GABRA5: variants seen among roughly 807,000 people sequenced by gnomAD.
The protein encoded by GABRA5 is gamma-aminobutyric acid receptor subunit alpha-5.
A neutral mutation model predicts 47.3 loss-of-function variants in GABRA5; 18 were observed. The observed-to-expected ratio is 0.38, with a 90% CI of 0.26 to 0.56. The LOEUF is 0.56. Among genes scored for constraint, GABRA5 ranks in the 20% least tolerant of loss-of-function variants. GABRA5 has a pLI of 0.71. For synonymous variants in GABRA5, 237 were observed against 229.3 expected (o/e 1.03, Z -0.30); for missense variants, 365 against 599.3 (o/e 0.61, Z 4.08).
chr15:26,879,907 G>A (rs557626079), intron 3 of GABRA5, among the ~76,000 whole-genome samples: 4 of 152,166 alleles, frequency 2.6e-5, no homozygotes, highest in Non-Finnish European at 5.9e-5. Context: ...TTTCAGTTTG[G>A]TAAGTCCCCT....
intron 7 of GABRA5, among the ~76,000 whole-genome samples, chr15:26,932,994 C>G (rs1418862253): frequency 6.6e-6 from 1 of 151,756 alleles, no homozygotes; most frequent in African/African-American, 2.4e-5. Flanking sequence ...CTAATGAATG[C>G]TGGGCTTAAT....
intron 3 of GABRA5, among the ~76,000 whole-genome samples, chr15:26,879,411 A>G (rs1358890656): frequency 6.6e-6 from 1 of 152,226 alleles, no homozygotes. Context: ...GAAGTGTGCA[A>G]CTACCATGGA....
At chr15:26,914,186 C>A (rs955372172) in intron 6 of GABRA5, among the ~76,000 whole-genome samples, 17 of 151,972 alleles carry the variant, frequency 1.1e-4, no homozygotes, top group Admixed American at 1.0e-3. Context: ...TTAGGGTGTA[C>A]CAGAAGATTG....
chr15:26,870,676 T>C (rs1356417373), intron 3 of GABRA5, among the ~76,000 whole-genome samples: 1 of 152,192 alleles, frequency 6.6e-6, no homozygotes, highest in African/African-American at 2.4e-5. Flanking sequence ...ATTAAATGAA[T>C]GTTTTCCTTT....
chr15:26,931,764 A>G (rs796205466), intron 7 of GABRA5, among the ~76,000 whole-genome samples: 5 of 152,354 alleles, frequency 3.3e-5, no homozygotes, highest in African/African-American at 1.2e-4. Context: ...AAAGAGGTAT[A>G]ACGGAAAACA....
At chr15:26,899,280 G>A (rs1893270925) in intron 6 of GABRA5, among the ~76,000 whole-genome samples, 1 of 152,116 alleles carries the variant, frequency 6.6e-6, no homozygotes, top group Non-Finnish European at 1.5e-5. Flanking sequence ...CTGATTTCTA[G>A]TTTCATTACA....
intron 6 of GABRA5, among the ~76,000 whole-genome samples, chr15:26,888,114 C>G (rs759773155): frequency 6.6e-6 from 1 of 152,288 alleles, no homozygotes; most frequent in Non-Finnish European, 1.5e-5. Context: ...ATGCTGTTTG[C>G]TCCCCAAATG....
rs540621333 is a variant in GABRA5, at chr15:26,941,437, C to T, written c.877+1360C>T. 2.3e-3 allele frequency among the ~76,000 whole-genome samples: 341 copies of T among 151,520 alleles called. 1 individual carries two copies. The highest frequency in any genetic ancestry group is 3.9e-3 in the Non-Finnish European group (267 of 67,840). ...CGCAACACAGTGATTAAGTGGATTT[C>T]TCAAAAAAAAAATCAAAGATTTCTA... is the stretch of plus-strand genomic sequence containing the variant. On this transcript the variant is annotated intron_variant, in intron 9 of 10. Transcript: ENST00000335625.
chr15:26,938,869 A>G (rs1403535531), intron 8 of GABRA5, among the ~76,000 whole-genome samples: 2 of 152,226 alleles, frequency 1.3e-5, no homozygotes, highest in Non-Finnish European at 2.9e-5. Context: ...CACTCAGTGA[A>G]GCATCCACAG....
intron 7 of GABRA5, among the ~76,000 whole-genome samples, chr15:26,934,355 C>A (rs188699623): frequency 1.3e-5 from 2 of 151,946 alleles, no homozygotes; most frequent in East Asian, 3.9e-4. Flanking sequence ...CTTTTCAAAT[C>A]CCAAAAATTC....
intron 6 of GABRA5, among the ~76,000 whole-genome samples, chr15:26,908,281 C>T (rs1235728129): frequency 6.6e-6 from 1 of 152,136 alleles, no homozygotes; most frequent in Non-Finnish European, 1.5e-5. Context: ...ACAAACTATG[C>T]TCCGTGTGCA....
intron 6 of GABRA5, among the ~76,000 whole-genome samples, chr15:26,894,135 A>G (rs1893115454): frequency 6.6e-6 from 1 of 152,130 alleles, no homozygotes; most frequent in Admixed American, 6.5e-5. Flanking sequence ...AGCCCTGCCC[A>G]GACGGCGCCG....
chr15:26,891,821 A>C (rs548844160), intron 6 of GABRA5, among the ~76,000 whole-genome samples: 5 of 152,176 alleles, frequency 3.3e-5, no homozygotes, highest in African/African-American at 1.2e-4. Context: ...TGCTGCAGGC[A>C]TCCCTCCCCT....
chr15:26,885,023 A>G (rs112749810), intron 6 of GABRA5, among the ~76,000 whole-genome samples: 34,100 of 152,080 alleles, frequency 0.22, 4,465 homozygotes, highest in African/African-American at 0.34. Context: ...AGGGCCAGGC[A>G]CGGTGGCTCA....
At position 26,936,277 on chromosome 15, in the gene GABRA5, T is replaced by C. The variant is rs551817661; in HGVS notation, c.581-908T>C. On this transcript the variant is annotated intron_variant, in intron 7 of 10. Coordinates refer to ENST00000335625, the MANE Select transcript of GABRA5 (RefSeq NM_000810.4). ...TCATAGCAGCGTGAGAACGGACTAA[T>C]ACAGTCCCTGACTCCCAGAACTGCC... Among the ~76,000 whole-genome samples, 8 of 152,340 alleles carry C rather than the reference T, an allele frequency of 5.3e-5. No homozygotes were observed. The East Asian group carries it at 1.5e-3, about 29-fold the overall frequency.
chr15:26,944,638 G>A (rs1193553855), intron 10 of GABRA5, among the ~76,000 whole-genome samples: 5 of 152,218 alleles, frequency 3.3e-5, no homozygotes, highest in Non-Finnish European at 7.3e-5. Flanking sequence ...GTTCTTGGCC[G>A]ACACGTTTGA....
At chr15:26,922,327 T>C (rs1031967704) in intron 7 of GABRA5, among the ~76,000 whole-genome samples, 2 of 152,216 alleles carry the variant, frequency 1.3e-5, no homozygotes, top group African/African-American at 2.4e-5. Context: ...TATTTCTCTC[T>C]GTCTCTGGAA....
rs550070745 is a variant in GABRA5 at position 26,885,422 on chromosome 15, G to T, written c.497+1865G>T. 2.6e-5 allele frequency among the ~76,000 whole-genome samples: 4 copies of T among 152,246 alleles called. No homozygotes were observed. The South Asian group carries it at 8.3e-4, about 32-fold the overall frequency. On this transcript the variant is annotated intron_variant, in intron 6 of 10. Transcript: ENST00000335625. The stretch of plus-strand genomic sequence containing the variant: ...ATCAGGGACTTTGTGAAATGATGCT[G>T]GCAGGTGGAAATGAGCAAAGGTGGC...
In GABRA5 at chr15:26,948,088, G is replaced by C. The variant is rs772424740; in HGVS notation, c.1244G>C (p.Ser415Thr). ...VKPSEEKTSE[S>T]KKTYNSISKI... ...CCCTCTGAAGAGAAGACTTCTGAAA[G>C]CAAAAAGACTTACAACAGTATCAGC... The change falls in exon 11 of 11, where the codon AGC becomes ACC. Residue 415 changes from serine (S) to threonine (T), a missense_variant. Physicochemically the swap from Ser to Thr is moderately conservative, Grantham distance 58. Around this residue, in one of 3 missense-constraint regions of GABRA5, gnomAD observed 106 missense variants for 130.3 expected, o/e 0.81. Transcript: ENST00000335625. 2 of 1,612,098 alleles carry C rather than the reference G, an allele frequency of 1.2e-6. No individual in the cohort carries two copies. Among genetic ancestry groups the C allele is most frequent in the Non-Finnish European group, 1.7e-6 (2 of 1,179,010 alleles).
Sources: gnomAD v4.1 joint callset for allele counts (sites outside exome capture counted in the v4.1 genomes callset) on GRCh38, gnomAD v4.1.1 for gene constraint, gnomAD v4.1.1 regional missense constraint, MANE v1.5 for transcripts, NCBI Gene and HGNC (gene_info 2026-07-23, HGNC 2026-07-21) for gene names.